The following SLC2A13 variants were observed in gnomAD, a reference collection of about 807,000 sequenced individuals.
SLC2A13 encodes the protein solute carrier family 2 member 13.
A neutral mutation model predicts 64.4 loss-of-function variants in SLC2A13; 32 were observed. The ratio of observed to expected loss-of-function variants is 0.50; its 90% confidence interval spans 0.37 to 0.67. The LOEUF is 0.67. Ranked by LOEUF, SLC2A13 falls within the 30% of genes least tolerant of loss-of-function variation. The pLI, the probability that SLC2A13 is intolerant of heterozygous loss-of-function variation, is 0.00. For missense variants in SLC2A13, 743 were observed against 829.2 expected, an observed-to-expected ratio of 0.90 and a Z score of 1.28; for synonymous variants, 338 against 327.1, an observed-to-expected ratio of 1.03 and a Z score of -0.36.
chr12:40,085,095 A>G lies in SLC2A13; in HGVS notation c.556+20158T>C, dbSNP rs137959500. 4.2e-3 allele frequency among the ~76,000 whole-genome samples: 642 copies of G among 152,300 alleles called. 8 individuals are homozygous for G. The highest frequency in any genetic ancestry group is 0.015 in the African/African-American group (606 of 41,556). On this transcript the variant is annotated intron_variant, in intron 1 of 9. Transcript: ENST00000280871. ...AGAGCACTTCTCGACAGATGAACAT[A>G]TGGAGGTTGACAGGAAGGGAACAAA... is the stretch of plus-strand genomic sequence containing the variant.
chr12:40,081,784 GTTCT>G (rs1938411677), intron 1 of SLC2A13, among the ~76,000 whole-genome samples: 1 of 152,192 alleles, frequency 6.6e-6, no homozygotes, highest in Non-Finnish European at 1.5e-5. Context: ...TTTTGCACTG[GTTCT>G]TTCTCATCTG....
intron 4 of SLC2A13, among the ~76,000 whole-genome samples, chr12:39,947,402 T>C (rs1161435230): frequency 1.3e-5 from 2 of 152,226 alleles, no homozygotes; most frequent in African/African-American, 4.8e-5. Context: ...TATCAGAATA[T>C]ACCAAAATAT....
intron 4 of SLC2A13, among the ~76,000 whole-genome samples, chr12:39,935,579 G>T (rs1008770567): frequency 2.0e-5 from 3 of 152,190 alleles, no homozygotes; most frequent in Non-Finnish European, 4.4e-5. Flanking sequence ...TTTTTAGTAT[G>T]TGTACGGTCT....
chr12:39,894,379 A>G (rs1266073433), intron 4 of SLC2A13, among the ~76,000 whole-genome samples: 1 of 152,214 alleles, frequency 6.6e-6, no homozygotes, highest in African/African-American at 2.4e-5. Flanking sequence ...TCACAACAAT[A>G]TTTTTCTTAA....
At chr12:39,917,811 G>C (rs968576449) in intron 4 of SLC2A13, among the ~76,000 whole-genome samples, 1 of 151,868 alleles carries the variant, frequency 6.6e-6, no homozygotes, top group Non-Finnish European at 1.5e-5. Context: ...TATTGGTTCT[G>C]TTTCTCTGAA....
chr12:39,838,235 G>C (rs189676327), intron 6 of SLC2A13, among the ~76,000 whole-genome samples: 2 of 150,374 alleles, frequency 1.3e-5, no homozygotes, highest in Non-Finnish European at 3.0e-5. Context: ...GTAAACTGTC[G>C]CAAGATCAAA....
At chr12:39,911,037 T>C (rs1314171352) in intron 4 of SLC2A13, among the ~76,000 whole-genome samples, 2 of 152,042 alleles carry the variant, frequency 1.3e-5, no homozygotes, top group Non-Finnish European at 2.9e-5. Flanking sequence ...TGAGCCAAGA[T>C]CGTGCCACTG....
chr12:39,977,586 G>C (rs2136140784), intron 3 of SLC2A13, among the ~76,000 whole-genome samples: 1 of 152,330 alleles, frequency 6.6e-6, no homozygotes, highest in South Asian at 2.1e-4. Context: ...CATCTTGGGA[G>C]GGAGGTTACA....
intron 7 of SLC2A13, among the ~76,000 whole-genome samples, chr12:39,804,486 AT>A (rs2135791711): frequency 6.6e-6 from 1 of 152,274 alleles, no homozygotes; most frequent in Non-Finnish European, 1.5e-5. Context: ...GTCAAAACCA[AT>A]TTATTTACTG....
intron 3 of SLC2A13, among the ~76,000 whole-genome samples, chr12:39,982,814 T>C (rs1249093108): frequency 7.0e-6 from 1 of 142,948 alleles, no homozygotes; most frequent in Non-Finnish European, 1.5e-5. Context: ...CTTCACAGAA[T>C]TGGAAAAAAC....
At position 39,827,025 on chromosome 12, in the gene SLC2A13, G is replaced by A. The variant is rs1425000989; in HGVS notation, c.1445+3078C>T. Among the ~76,000 whole-genome samples the A allele has an allele frequency of 8.8e-5, 13 of 148,466 alleles. No homozygotes were observed. The South Asian group carries it at 1.4e-3, about 16-fold the overall frequency. The stretch of plus-strand genomic sequence containing the variant: ...AATGGCAAAAAGTAATGGTAAAACC[G>A]CAGTTAACTTTTGCACCAGCCTGAT... On this transcript the variant is annotated intron_variant, in intron 7 of 9. Coordinates refer to ENST00000280871, the MANE Select transcript of SLC2A13 (RefSeq NM_052885.4).
intron 7 of SLC2A13, among the ~76,000 whole-genome samples, chr12:39,776,132 A>G (rs1940768628): frequency 6.6e-6 from 1 of 152,192 alleles, no homozygotes; most frequent in Non-Finnish European, 1.5e-5. Flanking sequence ...TTCCCATAAT[A>G]CAGTCAGGCA....
At chr12:40,005,424 T>C (rs1591999065) in intron 3 of SLC2A13, among the ~76,000 whole-genome samples, 1 of 152,112 alleles carries the variant, frequency 6.6e-6, no homozygotes, top group African/African-American at 2.4e-5. Context: ...TGTGGGTGTG[T>C]ATCTGGTGGG....
intron 2 of SLC2A13, among the ~76,000 whole-genome samples, chr12:40,030,551 C>T (rs1350430764): frequency 1.3e-5 from 2 of 151,786 alleles, no homozygotes; most frequent in Non-Finnish European, 2.9e-5. Context: ...ATGATCTTTC[C>T]AAAGAAAGAT....
chr12:40,017,705 T>G (rs1255899349), intron 3 of SLC2A13, among the ~76,000 whole-genome samples: 1 of 152,182 alleles, frequency 6.6e-6, no homozygotes. Context: ...TGTGACATCA[T>G]GTGCTGAGAT....
At chr12:39,797,738 A>ACACACACG (rs1555237514) in intron 7 of SLC2A13, among the ~76,000 whole-genome samples, 2 of 52,540 alleles carry the variant, frequency 3.8e-5, no homozygotes, top group Admixed American at 2.4e-4. Context: ...ACACACACAC[A>ACACACACG]CACACACACA....
intron 1 of SLC2A13, among the ~76,000 whole-genome samples, chr12:40,056,881 G>A (rs926465384): frequency 6.6e-6 from 1 of 152,058 alleles, no homozygotes; most frequent in African/African-American, 2.4e-5. Context: ...AAGATGATTT[G>A]ACCTTGCCTA....
At chr12:39,907,430 G>C (rs943877726) in intron 4 of SLC2A13, among the ~76,000 whole-genome samples, 2 of 152,054 alleles carry the variant, frequency 1.3e-5, no homozygotes, top group Non-Finnish European at 2.9e-5. Context: ...AAATCTTTTT[G>C]TGTAGCACTC....
chr12:39,885,403 T>C (rs1172109741), intron 4 of SLC2A13, among the ~76,000 whole-genome samples: 1 of 152,086 alleles, frequency 6.6e-6, no homozygotes, highest in Non-Finnish European at 1.5e-5. Flanking sequence ...ATCTAACATG[T>C]AAGAAGTACA....
Sources: allele counts gnomAD v4.1 joint callset (sites outside exome capture counted in the v4.1 genomes callset), GRCh38; gene constraint gnomAD v4.1.1; transcripts MANE v1.5; gene names NCBI Gene and HGNC (gene_info 2026-07-23, HGNC 2026-07-21).